The following BICDL2 variants were observed in gnomAD, a reference collection of about 807,000 sequenced individuals.
BICDL2 encodes the protein BICD family like cargo adaptor 2, also known as BICD family-like cargo adapter 2.
In BICDL2, 62 loss-of-function variants were observed where a neutral mutation model predicts 56.6. The observed-to-expected ratio is 1.10, with a 90% confidence interval of 0.89 to 1.35. The LOEUF is 1.35. Among genes scored for constraint, BICDL2 ranks in the 40% most tolerant of loss-of-function variants. BICDL2 has a pLI of 0.00. For synonymous variants in BICDL2, 358 were observed against 319.8 expected (o/e 1.12, Z -1.27); for missense variants, 808 against 684.5 (o/e 1.18, Z -2.01).
At position 3,030,772 on chromosome 16, in the gene BICDL2, G is replaced by C. The variant is rs1455189317; in HGVS notation, c.539C>G (p.Ala180Gly). 1.2e-6 allele frequency: 2 copies of C among 1,612,238 alleles called. No homozygotes were observed. The highest frequency in any genetic ancestry group is 1.7e-6 in the Non-Finnish European group (2 of 1,179,678). Residue 180 changes from alanine (A) to glycine (G), a missense_variant, in exon 4 of 10, where the codon GCC becomes GGC. Transcript: ENST00000572449. ...CTGAGCCTGGCACTGTCCCCGAAGGGCGTCCAGTTCCCTCTGAAGTTCCTG... is the reference window on the plus strand; with the variant it reads ...CTGAGCCTGGCACTGTCCCCGAAGGCCGTCCAGTTCCCTCTGAAGTTCCTG... ...TEQELQRELD[A>G]LRGQCQAQAL...
rs750174736 is a variant in BICDL2, at chr16:3,030,826, AAGAGGGAC to A, written c.499-22_499-15del. ...AGTCTGGGAGGCCTGGGGAGGTGGAAAGAGGGACAGAGGAGCCTCAGCACCAAGCCCAA... is the reference window on the plus strand; with the variant it reads ...AGTCTGGGAGGCCTGGGGAGGTGGAAAGAGGAGCCTCAGCACCAAGCCCAA... On this transcript the variant is annotated splice_polypyrimidine_tract_variant and intron_variant, in intron 3 of 9. Transcript: ENST00000572449. 1 of 1,597,318 alleles carries A rather than the reference AAGAGGGAC, an allele frequency of 6.3e-7. No homozygotes were observed. Among genetic ancestry groups the A allele is most frequent in the South Asian group, 1.1e-5 (1 of 89,174 alleles).
intron 1 of BICDL2, 118 bp downstream of exon 1, chr16:3,036,776 C>G: frequency 5.6e-6 from 2 of 356,792 alleles, no homozygotes; most frequent in South Asian, 3.9e-5. Flanking sequence ...CCCGGTTCCC[C>G]GGCGATCCCG....
Position 3,030,788 on chromosome 16 carries a change from G to A in BICDL2, c.523C>T (p.Gln175Ter), listed in dbSNP as rs914975891. The A allele has an allele frequency of 3.7e-6, 6 of 1,611,484 alleles. No individual in the cohort carries two copies. The African/African-American group carries it at 8.0e-5, about 22-fold the overall frequency. ...CCCCGAAGGGCGTCCAGTTCCCTCT[G>A]AAGTTCCTGCTCAGTCTGGGAGGCC... ...AQASQTEQELQRELDALRGQC... is the reference protein window; with the variant it reads ...AQASQTEQEL Residue 175 changes from glutamine to a stop codon, truncating the protein, a stop_gained, in exon 4 of 10, where the codon CAG becomes TAG. Transcript: ENST00000572449. LOFTEE classifies it high-confidence loss of function.
intron 1 of BICDL2, 78 bp from the exon 2 acceptor site, chr16:3,035,604 T>G: frequency 7.5e-7 from 1 of 1,327,494 alleles, no homozygotes; most frequent in Non-Finnish European, 1.0e-6. Context: ...ATTCTCCACC[T>G]GCTGCCAGCC....
At chr16:3,031,438 T>C (rs1596483176) in intron 2 of BICDL2, 2 of 534,898 alleles carry the variant, frequency 3.7e-6, no homozygotes, top group South Asian at 5.8e-5. Context: ...CTTCTGGACC[T>C]GAGGTCGCAA....
Position 3,035,295 on chromosome 16 carries a change from C to T in BICDL2, c.202G>A (p.Gly68Ser), listed in dbSNP as rs761437871. The stretch of plus-strand genomic sequence containing the variant: ...TCATTTCGCTCCAGAAGCATCTTGC[C>T]GAGCTCCGCGGCCAACAGCAGGTCT... ...EKDLLLAAEL[G>S]KMLLERNEEL... The change falls in exon 2 of 10, where the codon GGC becomes AGC. Residue 68 changes from glycine to serine, a missense_variant. Coordinates refer to ENST00000572449, the MANE Select transcript of BICDL2 (RefSeq NM_001369667.1). 4.4e-5 allele frequency: 69 copies of T among 1,559,162 alleles called. No individual in the cohort carries two copies. The highest frequency in any genetic ancestry group is 3.1e-4 in the South Asian group (26 of 84,942).
chr16:3,031,090 C>G lies in BICDL2; in HGVS notation c.343G>C (p.Glu115Gln), dbSNP rs1955647463. 6.5e-7 allele frequency: 1 copy of G among 1,536,524 alleles called. No individual in the cohort carries two copies. Among genetic ancestry groups the G allele is most frequent in the Admixed American group, 2.0e-5 (1 of 50,974 alleles). ...RGLAARGAEWEARAVELEGDV... is the reference protein window; with the variant it reads ...RGLAARGAEWQARAVELEGDV... ...CCCTCCAGCTCCACGGCCCGGGCCTCCCACTCGGCTCCTCGGGCTGCCAGG... is the reference window on the plus strand; with the variant it reads ...CCCTCCAGCTCCACGGCCCGGGCCTGCCACTCGGCTCCTCGGGCTGCCAGG... Residue 115 changes from glutamate (E) to glutamine (Q), a missense_variant, in exon 3 of 10, where the codon GAG becomes CAG. By Grantham distance (29) the Glu-to-Gln change is conservative. Coordinates refer to ENST00000572449, the MANE Select transcript of BICDL2 (RefSeq NM_001369667.1).
chr16:3,031,371 G>T, intron 2 of BICDL2: 1 of 582,796 alleles, frequency 1.7e-6, no homozygotes, highest in East Asian at 2.8e-5. Context: ...TGGGCCCGGG[G>T]CAAGGGTTGG....
In BICDL2 at chr16:3,036,932, C is replaced by G. The variant is rs1276920862; in HGVS notation, c.-69G>C. 8.0e-6 allele frequency: 2 copies of G among 251,044 alleles called. No individual in the cohort carries two copies. Among genetic ancestry groups the G allele is most frequent in the Non-Finnish European group, 1.6e-5 (2 of 126,384 alleles). The allele number at this position is 251,044 out of a possible 1,614,324, so 15.6% of individuals were successfully genotyped here. A position where few individuals can be genotyped will look rare whatever the true frequency, so the allele number is the denominator to read the frequency against. On this transcript the variant is annotated 5_prime_UTR_variant, in exon 1 of 10. Coordinates refer to ENST00000572449, the MANE Select transcript of BICDL2 (RefSeq NM_001369667.1). ...GCTCCCTCCGAGGTCCCCGCGGTCT[C>G]CGGTCCCCTCTTCCGGAGGCGGCTC...
Position 3,036,671 on chromosome 16 carries a change from C to T in BICDL2, c.-31+223G>A, listed in dbSNP as rs549188938. ...GACCGCTCCCCCTCCCCTTCCGCAC[C>T]TAGCTGCCCAGGTGTTGGGGCCTCC... On this transcript the variant is annotated intron_variant, in intron 1 of 9. Transcript: ENST00000572449. The T allele has an allele frequency of 5.5e-4, 250 of 451,674 alleles. 1 individual carries two copies. Among genetic ancestry groups the T allele is most frequent in the Non-Finnish European group, 9.8e-4 (220 of 225,614 alleles). 28.0% of individuals were successfully genotyped at this position (451,674 alleles called of 1,614,324 possible). A position where few individuals can be genotyped will look rare whatever the true frequency, so the allele number is the denominator to read the frequency against.
At chr16:3,029,140 G>C (rs1955609018) in intron 7 of BICDL2, 140 bp downstream of exon 7, 1 of 1,083,372 alleles carries the variant, frequency 9.2e-7, no homozygotes, top group Admixed American at 2.3e-5. Flanking sequence ...CATACAGGCT[G>C]GCTCTTGAAG....
Position 3,035,185 on chromosome 16 carries a change from A to ACCCCCCCCCCC in BICDL2, c.282+29_282+30insGGGGGGGGGGG. The ACCCCCCCCCCC allele has an allele frequency of 1.5e-4, 6 of 41,126 alleles. 1 individual carries two copies. The highest frequency in any genetic ancestry group is 4.2e-4 in the South Asian group (2 of 4,752). The allele number at this position is 41,126 out of a possible 1,614,324, so 2.5% of individuals were successfully genotyped here. A position where few individuals can be genotyped will look rare whatever the true frequency, so the allele number is the denominator to read the frequency against. ...CCCACCCGTCCTCCCCTGCCCACCC[A>ACCCCCCCCCCC]CCCACCCACCCCGTCCAGTGCTAGC... On this transcript the variant is annotated intron_variant, in intron 2 of 9. Transcript: ENST00000572449.
intron 5 of BICDL2, chr16:3,029,986 C>T (rs1955629154): frequency 7.6e-6 from 4 of 528,180 alleles, no homozygotes; most frequent in Non-Finnish European, 6.6e-6. Context: ...CCCAGTCTAC[C>T]TCCTCATTCA....
chr16:3,030,315 T>C, intron 5 of BICDL2, 134 bp downstream of exon 5: 1 of 1,165,114 alleles, frequency 8.6e-7, no homozygotes, highest in African/African-American at 1.5e-5. Context: ...CATTTGCCCA[T>C]GGGCTAATGC....
At chr16:3,031,443 T>G in intron 2 of BICDL2, 1 of 533,054 alleles carries the variant, frequency 1.9e-6, no homozygotes, top group Non-Finnish European at 3.3e-6. Context: ...GGACCTGAGG[T>G]CGCAAGCGCC....
In BICDL2 at chr16:3,035,242, C is replaced by T. The variant is rs1249676241; in HGVS notation, c.255G>A (p.Leu85=). The T allele has an allele frequency of 6.7e-7, 1 of 1,482,920 alleles. No individual in the cohort carries two copies. 91.9% of individuals were successfully genotyped at this position (1,482,920 alleles called of 1,614,324 possible). A position where few individuals can be genotyped will look rare whatever the true frequency, so the allele number is the denominator to read the frequency against. ...NEELRRQLET[L]SAQHLEREER... The stretch of plus-strand genomic sequence containing the variant: ...CCTCACGCTCCAAGTGCTGGGCGCT[C>T]AGCGTCTCCAGCTGCCGCCGCAGCT... The change falls in exon 2 of 10, where the codon CTG becomes CTA. Residue 85 remains leucine, a synonymous_variant. Transcript: ENST00000572449.
intron 1 of BICDL2, 29 bp downstream of exon 1, chr16:3,036,865 C>T: frequency 3.4e-6 from 1 of 293,080 alleles, no homozygotes; most frequent in Non-Finnish European, 6.6e-6. Context: ...CTCGAGGGGC[C>T]CGGCCCTCGG....
chr16:3,031,906 A>G (rs371529212), intron 2 of BICDL2: 21 of 196,426 alleles, frequency 1.1e-4, no homozygotes, highest in African/African-American at 4.8e-4. Flanking sequence ...AAGGACACAC[A>G]GTCATTTATT....
At chr16:3,033,770 G>A (rs368002022) in intron 2 of BICDL2, among the ~76,000 whole-genome samples, 23 of 150,940 alleles carry the variant, frequency 1.5e-4, no homozygotes, top group East Asian at 1.4e-3. Flanking sequence ...CTGGGTGACA[G>A]AGGGAGACCC....
Sources: gnomAD v4.1 joint callset for allele counts (sites outside exome capture counted in the v4.1 genomes callset) on GRCh38, gnomAD v4.1.1 for gene constraint, MANE v1.5 for transcripts, NCBI Gene and HGNC (gene_info 2026-07-23, HGNC 2026-07-21) for gene names.